Variants in FGFR4 observed in about 807,000 individuals in gnomAD.
FGFR4 encodes the protein hydroxyaryl-protein kinase.
Under a neutral mutation model 89.9 loss-of-function variants are expected in FGFR4, and 63 were observed. The ratio of observed to expected loss-of-function variants is 0.70; its 90% CI spans 0.57 to 0.86. The LOEUF is 0.86. Among genes scored for constraint, FGFR4 ranks in the 40% least tolerant of loss-of-function variants. The pLI is 0.00. For synonymous variants in FGFR4, 486 were observed against 479.4 expected (o/e 1.01, Z -0.18); for missense variants, 928 against 1,106.7 (o/e 0.84, Z 2.29).
intron 2 of FGFR4, chr5:177,090,028 G>A (rs762621534): frequency 5.4e-5 from 36 of 662,120 alleles, no homozygotes; most frequent in South Asian, 5.3e-4. Context: ...AGCATGTGTG[G>A]TATAAGCATT....
In FGFR4 at chr5:177,093,758, C is replaced by G; in HGVS notation, c.1502C>G (p.Ala501Gly). 1.2e-6 allele frequency: 2 copies of G among 1,613,066 alleles called. No homozygotes were observed. The highest frequency in any genetic ancestry group is 1.1e-5 in the South Asian group (1 of 91,022). Residue 501 changes from alanine to glycine, a missense_variant, in exon 11 of 18, where the codon GCC becomes GGC. Ala to Gly is a moderately conservative substitution (Grantham distance 60). This residue lies in a region of FGFR4 where 741 missense variants were observed against 836.9 expected (regional missense o/e 0.89). Transcript: ENST00000292408. The surrounding 1 kb of genome is among the most constrained non-coding windows in gnomAD (Gnocchi z 5.8). ...PARPDQASTV[A>G]VKMLKDNASD... ...CGGCCTGACCAAGCCAGCACTGTGG[C>G]CGTCAAGATGCTCAAAGGTGAGTGT...
rs778381345 is a variant in FGFR4, at chr5:177,096,728, T to TG, written c.2141dup (p.Cys714TrpfsTer11). The TG allele has an allele frequency of 8.9e-5, 141 of 1,583,554 alleles. No individual in the cohort carries two copies. Among genetic ancestry groups the TG allele is most frequent in the Non-Finnish European group, 1.2e-4 (140 of 1,164,694 alleles). The stretch of plus-strand genomic sequence containing the variant: ...ACATCGGATGGACCGACCCCCACAC[T>TG]GCCCCCCAGAGCTGTGAGGCCTCAC... On this transcript the variant is annotated frameshift_variant, in exon 16 of 18. Transcript: ENST00000292408. LOFTEE classifies it high-confidence loss of function.
rs1280190557 is a variant in FGFR4, at chr5:177,087,998, C to A, written c.-54+921C>A. Among the ~76,000 whole-genome samples the A allele has an allele frequency of 1.3e-5, 2 of 152,028 alleles. No homozygotes were observed. Among genetic ancestry groups the A allele is most frequent in the African/African-American group, 4.8e-5 (2 of 41,406 alleles). On this transcript the variant is annotated intron_variant, in intron 1 of 17. Coordinates refer to ENST00000292408, the MANE Select transcript of FGFR4 (RefSeq NM_213647.3). This position sits in a 1 kb window ranked among gnomAD's most constrained non-coding sequence, Gnocchi z 6.1. ...CATTAAGGGCTTGCAAGCTGGGGGG[C>A]ATGACATGGCAGACTTGCAGGTTTT...
At chr5:177,091,216 G>T in intron 5 of FGFR4, 112 bp downstream of exon 5, 1 of 1,342,708 alleles carries the variant, frequency 7.4e-7, no homozygotes, top group East Asian at 2.5e-5. Context: ...GCGATTGCGG[G>T]GCCCCGGAAG....
Position 177,093,896 on chromosome 5 carries a change from A to G in FGFR4, c.1519+121A>G. 3 of 1,159,118 alleles carry G rather than the reference A, an allele frequency of 2.6e-6. No homozygotes were observed. The highest frequency in any genetic ancestry group is 1.6e-5 in the South Asian group (1 of 61,834). The allele number at this position is 1,159,118 out of a possible 1,614,324, so 71.8% of individuals were successfully genotyped here. A position where few individuals can be genotyped will look rare whatever the true frequency, so the allele number is the denominator to read the frequency against. On this transcript the variant is annotated intron_variant, in intron 11 of 17. Coordinates refer to ENST00000292408, the MANE Select transcript of FGFR4 (RefSeq NM_213647.3). The surrounding 1 kb of genome is among the most constrained non-coding windows in gnomAD (Gnocchi z 5.8). ...AGCCTGGGCAACATGGCAAGACTTCATCTCTACAAAAAAAAAATAAGAAAA... is the reference window on the plus strand; with the variant it reads ...AGCCTGGGCAACATGGCAAGACTTCGTCTCTACAAAAAAAAAATAAGAAAA...
At chr5:177,088,019 G>A (rs562056040) in intron 1 of FGFR4, among the ~76,000 whole-genome samples, 14 of 152,046 alleles carry the variant, frequency 9.2e-5, no homozygotes, top group Non-Finnish European at 1.8e-4. Flanking sequence ...AGACTTGCAG[G>A]TTTTTTTGTT....
At position 177,095,926 on chromosome 5, in the gene FGFR4, C is replaced by T. The variant is rs1784543882; in HGVS notation, c.1822-131C>T. 7.3e-7 allele frequency: 1 copy of T among 1,370,042 alleles called. No individual in the cohort carries two copies. Among genetic ancestry groups the T allele is most frequent in the Non-Finnish European group, 9.7e-7 (1 of 1,027,802 alleles). The allele number at this position is 1,370,042 out of a possible 1,614,324, so 84.9% of individuals were successfully genotyped here. ...GAGGGGACGCAGGAGAAGGCACTCC[C>T]CGTTTCTAAACCTTGACCTCCTCCT... On this transcript the variant is annotated intron_variant, in intron 13 of 17. Coordinates refer to ENST00000292408, the MANE Select transcript of FGFR4 (RefSeq NM_213647.3). This position sits in a 1 kb window ranked among gnomAD's most constrained non-coding sequence, Gnocchi z 5.7.
Position 177,090,800 on chromosome 5 carries a change from GA to G in FGFR4, c.413del (p.Asn138IlefsTer73). 6.2e-7 allele frequency: 1 copy of G among 1,614,034 alleles called. No homozygotes were observed. Among genetic ancestry groups the G allele is most frequent in the Non-Finnish European group, 8.5e-7 (1 of 1,179,938 alleles). On this transcript the variant is annotated frameshift_variant, in exon 4 of 18. Transcript: ENST00000292408. LOFTEE classifies it high-confidence loss of function. ...ACCCCAAGTCCCATAGGGACCCCTC[GA>G]ATAGGCACAGTTACCCCCAGCAAGG... ...EDPKSHRDPS[N>X]RHSYPQQAPY...
chr5:177,093,801 C>G lies in FGFR4; in HGVS notation c.1519+26C>G. ...GTGAGTGTGGCCCGGTGTGGTGGCT[C>G]ACACCTGTAACGCCAGCACTTTAGG... On this transcript the variant is annotated intron_variant, in intron 11 of 17. Transcript: ENST00000292408. This position sits in a 1 kb window ranked among gnomAD's most constrained non-coding sequence, Gnocchi z 5.8. 3.1e-6 allele frequency: 5 copies of G among 1,601,280 alleles called. No individual in the cohort carries two copies. Among genetic ancestry groups the G allele is most frequent in the Non-Finnish European group, 4.3e-6 (5 of 1,171,890 alleles).
chr5:177,089,040 G>A (rs183747837), intron 1 of FGFR4, among the ~76,000 whole-genome samples: 2 of 152,286 alleles, frequency 1.3e-5, no homozygotes, highest in Admixed American at 6.5e-5. Context: ...TGCTTGCCAC[G>A]GAAGGGGCCG....
At chr5:177,088,971 C>A (rs1315889602) in intron 1 of FGFR4, among the ~76,000 whole-genome samples, 1 of 152,118 alleles carries the variant, frequency 6.6e-6, no homozygotes, top group African/African-American at 2.4e-5. Flanking sequence ...TTTACAAAAC[C>A]GTGTGTGCCT....
chr5:177,095,993 G>C lies in FGFR4; in HGVS notation c.1822-64G>C, dbSNP rs1413904981. ...GGGCCCCTGCCCCCGGGCCTGCTGGGGGGTGGTGTGTGCTCAACTCCAGGC... is the reference window on the plus strand; with the variant it reads ...GGGCCCCTGCCCCCGGGCCTGCTGGCGGGTGGTGTGTGCTCAACTCCAGGC... On this transcript the variant is annotated intron_variant, in intron 13 of 17. Coordinates refer to ENST00000292408, the MANE Select transcript of FGFR4 (RefSeq NM_213647.3). This position sits in a 1 kb window ranked among gnomAD's most constrained non-coding sequence, Gnocchi z 5.7. The C allele has an allele frequency of 2.5e-6, 4 of 1,573,350 alleles. No individual in the cohort carries two copies. The highest frequency in any genetic ancestry group is 2.7e-5 in the African/African-American group (2 of 74,214).
In FGFR4 at chr5:177,093,838, G is replaced by A; in HGVS notation, c.1519+63G>A. On this transcript the variant is annotated intron_variant, in intron 11 of 17. Transcript: ENST00000292408. The surrounding 1 kb of genome is among the most constrained non-coding windows in gnomAD (Gnocchi z 5.8). ...GCCAGCACTTTAGGAGGCTGAGGGT[G>A]GGAGGATCGCTTGAATCCAGGAATT... 6.5e-7 allele frequency: 1 copy of A among 1,544,112 alleles called. No homozygotes were observed. Among genetic ancestry groups the A allele is most frequent in the Non-Finnish European group, 8.8e-7 (1 of 1,136,718 alleles).
rs1582012256 is a variant in FGFR4, at chr5:177,092,679, C to T, written c.952C>T (p.Leu318=). 2.5e-6 allele frequency: 4 copies of T among 1,613,522 alleles called. No individual in the cohort carries two copies. The highest frequency in any genetic ancestry group is 2.5e-6 in the Non-Finnish European group (3 of 1,179,450). Residue 318 remains leucine, a synonymous_variant, in exon 8 of 18, where the codon CTG becomes TTG. Coordinates refer to ENST00000292408, the MANE Select transcript of FGFR4 (RefSeq NM_213647.3). ...ADINSSEVEV[L]YLRNVSAEDA... ...CATCAATAGCTCAGAGGTGGAGGTC[C>T]TGTACCTGCGGAACGTGTCAGCCGA... is the stretch of plus-strand genomic sequence containing the variant.
At chr5:177,091,217 G>A (rs899740164) in intron 5 of FGFR4, 113 bp downstream of exon 5, 30 of 1,343,536 alleles carry the variant, frequency 2.2e-5, no homozygotes, top group Non-Finnish European at 3.0e-5. Flanking sequence ...CGATTGCGGG[G>A]CCCCGGAAGG....
rs1219065812 is a variant in FGFR4, at chr5:177,097,648, T to A, written c.2381T>A (p.Phe794Tyr). 3.1e-6 allele frequency: 5 copies of A among 1,614,022 alleles called. No individual in the cohort carries two copies. The highest frequency in any genetic ancestry group is 4.2e-6 in the Non-Finnish European group (5 of 1,180,028). The change falls in exon 18 of 18, where the codon TTC becomes TAC. Residue 794 changes from phenylalanine to tyrosine, a missense_variant. Phe to Tyr is a conservative substitution (Grantham distance 22). This residue lies in a region of FGFR4 where 129 missense variants were observed against 150.8 expected (regional missense o/e 0.86). Transcript: ENST00000292408. ...CCCCTGCCATTGGGATCCAGCTCCT[T>A]CCCCTTCGGGTCTGGGGTGCAGACA... ...HDPLPLGSSS[F>Y]PFGSGVQT
chr5:177,094,049 C>G (rs1784463869), intron 11 of FGFR4, among the ~76,000 whole-genome samples: 1 of 151,938 alleles, frequency 6.6e-6, no homozygotes, highest in Non-Finnish European at 1.5e-5. Flanking sequence ...CCAGCCTGGG[C>G]AACACAGTGA....
intron 2 of FGFR4, chr5:177,090,089 G>T: frequency 3.0e-6 from 2 of 674,370 alleles, no homozygotes; most frequent in Middle Eastern, 2.9e-4. Context: ...GGCACCAACA[G>T]CATGTGCCTT....
chr5:177,096,763 G>A (rs373193329), intron 16 of FGFR4, 22 bp downstream of exon 16: 30 of 1,556,934 alleles, frequency 1.9e-5, no homozygotes, highest in South Asian at 4.9e-5. Flanking sequence ...CCCTGCCCTC[G>A]ACCCCACTTT....
Sources: allele counts gnomAD v4.1 joint callset (sites outside exome capture counted in the v4.1 genomes callset), GRCh38; gene constraint gnomAD v4.1.1; regional missense constraint gnomAD v4.1.1; non-coding constraint Gnocchi (gnomAD v3.1); transcripts MANE v1.5; gene names NCBI Gene and HGNC (gene_info 2026-07-23, HGNC 2026-07-21).